Variants in NRXN3 observed in about 807,000 individuals in gnomAD.
NRXN3 encodes neurexin 3, also known as neurexin III.
Under a neutral mutation model 137.6 loss-of-function variants are expected in NRXN3, and 32 were observed. The observed-to-expected ratio is 0.23, with a 90% confidence interval of 0.18 to 0.31. The LOEUF is 0.31. Among genes scored for constraint, NRXN3 ranks in the 10% least tolerant of loss-of-function variants. The pLI is 1.00. For synonymous variants in NRXN3, 798 were observed against 784.5 expected (o/e 1.02, Z -0.29); for missense variants, 1,574 against 2,062.5 (o/e 0.76, Z 4.59).
chr14:78,923,603 G>A (rs1424648259), intron 10 of NRXN3, among the ~76,000 whole-genome samples: 1 of 152,202 alleles, frequency 6.6e-6, no homozygotes, highest in Admixed American at 6.5e-5. Flanking sequence ...AGACAGAAGA[G>A]AATTGAGGAA....
At chr14:79,237,797 A>T (rs1240424259) in intron 15 of NRXN3, among the ~76,000 whole-genome samples, 1 of 152,162 alleles carries the variant, frequency 6.6e-6, no homozygotes, top group Non-Finnish European at 1.5e-5. Flanking sequence ...GATTTTATTC[A>T]TGGATTAAAA....
chr14:78,682,115 C>G (rs1323679514), intron 6 of NRXN3, among the ~76,000 whole-genome samples: 2 of 152,248 alleles, frequency 1.3e-5, no homozygotes, highest in East Asian at 3.9e-4. Flanking sequence ...ATCCACCTGC[C>G]TCGGCCTCCC....
intron 4 of NRXN3, among the ~76,000 whole-genome samples, chr14:78,389,510 A>G (rs913917801): frequency 1.1e-4 from 16 of 152,232 alleles, no homozygotes; most frequent in Admixed American, 5.2e-4. Context: ...TTTATCATTT[A>G]TAATGTGAAC....
intron 4 of NRXN3, among the ~76,000 whole-genome samples, chr14:78,620,915 G>A (rs2097397495): frequency 6.6e-6 from 1 of 152,156 alleles, no homozygotes; most frequent in South Asian, 2.1e-4. Flanking sequence ...ACCCAGGAAG[G>A]ACCAAACAAG....
chr14:78,483,060 T>C (rs1241232053), intron 4 of NRXN3, among the ~76,000 whole-genome samples: 1 of 152,204 alleles, frequency 6.6e-6, no homozygotes, highest in African/African-American at 2.4e-5. Context: ...CATGCTCTGT[T>C]TTATTTTCTG....
chr14:78,479,471 G>A (rs2095436518), intron 4 of NRXN3, among the ~76,000 whole-genome samples: 1 of 152,208 alleles, frequency 6.6e-6, no homozygotes, highest in African/African-American at 2.4e-5. Flanking sequence ...GGGGACCACA[G>A]TTTAAGAAAC....
chr14:78,259,679 A>G (rs2070354617), intron 2 of NRXN3, among the ~76,000 whole-genome samples: 1 of 152,168 alleles, frequency 6.6e-6, no homozygotes, highest in African/African-American at 2.4e-5. Context: ...AAATAATTTA[A>G]GGAAATTGAG....
At chr14:79,408,919 T>G (rs1295773666) in intron 15 of NRXN3, among the ~76,000 whole-genome samples, 3 of 152,140 alleles carry the variant, frequency 2.0e-5, no homozygotes, top group South Asian at 2.1e-4. Context: ...TAAATTCATG[T>G]GTTTTTTTTC....
intron 10 of NRXN3, among the ~76,000 whole-genome samples, chr14:78,863,961 G>A (rs2099079839): frequency 6.6e-6 from 1 of 152,074 alleles, no homozygotes; most frequent in Admixed American, 6.6e-5. Context: ...AACCTTAGTA[G>A]ATGAAAAATA....
intron 4 of NRXN3, among the ~76,000 whole-genome samples, chr14:78,440,650 A>G (rs946579515): frequency 4.6e-5 from 7 of 151,832 alleles, no homozygotes; most frequent in African/African-American, 4.8e-5. Flanking sequence ...GAAATCAACT[A>G]TGTTCGTCCT....
rs2099347130 is a variant in NRXN3, at chr14:78,938,848, C to CTTTTCTT, written c.2276-18390_2276-18389insCTTTTTT. Among the ~76,000 whole-genome samples, 217 of 131,970 alleles carry CTTTTCTT rather than the reference C, an allele frequency of 1.6e-3. No homozygotes were observed. In the East Asian group the frequency reaches 0.018, roughly 11 times the overall value. 86.6% of individuals were successfully genotyped at this position (131,970 alleles called of 152,430 possible). A position where few individuals can be genotyped will look rare whatever the true frequency, so the allele number is the denominator to read the frequency against. ...TATTTGAAGGTCCAGAGTGATTTTTCTTTTTTTTTTTTTTTTGAGATGGAG... is the reference window on the plus strand; with the variant it reads ...TATTTGAAGGTCCAGAGTGATTTTTCTTTTCTTTTTTTTTTTTTTTTTTGAGATGGAG... On this transcript the variant is annotated intron_variant, in intron 10 of 20. Transcript: ENST00000335750.
intron 8 of NRXN3, among the ~76,000 whole-genome samples, chr14:78,794,606 TTGTGTGTGTGTG>T (rs144494895): frequency 2.0e-5 from 3 of 147,006 alleles, no homozygotes; most frequent in African/African-American, 7.5e-5. Context: ...TCTATTCTAT[TTGTGTGTGTGTG>T]TGTGTGTGTG....
chr14:79,599,821 C>T (rs1239340043), intron 16 of NRXN3, among the ~76,000 whole-genome samples: 3 of 152,098 alleles, frequency 2.0e-5, no homozygotes, highest in Admixed American at 6.6e-5. Context: ...ATGGCGAAAC[C>T]CTGTCTCTAC....
At chr14:79,597,909 G>C (rs1325603088) in intron 16 of NRXN3, among the ~76,000 whole-genome samples, 1 of 152,102 alleles carries the variant, frequency 6.6e-6, no homozygotes, top group Non-Finnish European at 1.5e-5. Context: ...TAACCTCAAG[G>C]CATAAAGACA....
At chr14:79,655,699 G>A (rs975155448) in intron 16 of NRXN3, among the ~76,000 whole-genome samples, 1 of 151,958 alleles carries the variant, frequency 6.6e-6, no homozygotes, top group Non-Finnish European at 1.5e-5. Flanking sequence ...TCTTTGTTGT[G>A]TATCATTGTA....
intron 15 of NRXN3, among the ~76,000 whole-genome samples, chr14:79,385,407 G>A (rs1336525510): frequency 6.6e-6 from 1 of 152,044 alleles, no homozygotes; most frequent in East Asian, 1.9e-4. Context: ...TTTTATGGCT[G>A]CATAGTATTC....
intron 15 of NRXN3, among the ~76,000 whole-genome samples, chr14:79,389,808 AT>A (rs1317222220): frequency 1.3e-5 from 2 of 152,198 alleles, no homozygotes; most frequent in Non-Finnish European, 2.9e-5. Flanking sequence ...TCTCTGATTA[AT>A]CAAAAACTCT....
chr14:78,398,238 T>G (rs936479030), intron 4 of NRXN3, among the ~76,000 whole-genome samples: 1 of 147,964 alleles, frequency 6.8e-6, no homozygotes, highest in East Asian at 2.0e-4. Context: ...AAAAAAAAAG[T>G]ATGTAATTCT....
At chr14:78,199,072 T>G (rs2153389162) in intron 1 of NRXN3, among the ~76,000 whole-genome samples, 1 of 152,280 alleles carries the variant, frequency 6.6e-6, no homozygotes, top group South Asian at 2.1e-4. Flanking sequence ...AGAGGCACAT[T>G]GTCAGAGCTG....
Sources: gnomAD v4.1 joint callset for allele counts (sites outside exome capture counted in the v4.1 genomes callset) on GRCh38, gnomAD v4.1.1 for gene constraint, MANE v1.5 for transcripts, NCBI Gene and HGNC (gene_info 2026-07-23, HGNC 2026-07-21) for gene names.